The following KHDRBS2 variants were observed in gnomAD, a reference collection of about 807,000 sequenced individuals.
The protein encoded by KHDRBS2 is KH RNA binding domain containing, signal transduction associated 2.
KHDRBS2 carries 26 observed loss-of-function variants against 44.3 expected under a neutral mutation model. That is an observed-to-expected ratio of 0.59 (90% confidence interval 0.43 to 0.81). The LOEUF is 0.81. Ranked by LOEUF, KHDRBS2 falls within the 40% of genes least tolerant of loss-of-function variation. KHDRBS2 has a pLI of 0.00. For missense variants in KHDRBS2, 476 were observed against 433.1 expected (o/e 1.10, Z -0.88); for synonymous variants, 194 against 151.1 (o/e 1.28, Z -2.08).
At chr6:61,911,381 G>C (rs1273722200) in intron 4 of KHDRBS2, among the ~76,000 whole-genome samples, 1 of 152,138 alleles carries the variant, frequency 6.6e-6, no homozygotes, top group Non-Finnish European at 1.5e-5. Flanking sequence ...ATCCAGGGGA[G>C]TTAAAGTGCA....
At chr6:61,913,626 A>C (rs781193751) in intron 4 of KHDRBS2, among the ~76,000 whole-genome samples, 37 of 152,162 alleles carry the variant, frequency 2.4e-4, no homozygotes, top group Middle Eastern at 3.4e-3. Context: ...GTGGGGAAAG[A>C]CTGAAAAAAA....
chr6:61,811,201 T>A (rs867627738), intron 6 of KHDRBS2, among the ~76,000 whole-genome samples: 37 of 152,122 alleles, frequency 2.4e-4, no homozygotes, highest in African/African-American at 8.2e-4. Context: ...AGTGAGGACA[T>A]GTGATATTTG....
In KHDRBS2 at chr6:62,095,376, A is replaced by G. The variant is rs117390238; in HGVS notation, c.220-47382T>C. Among the ~76,000 whole-genome samples, 3 of 151,926 alleles carry G rather than the reference A, an allele frequency of 2.0e-5. No individual in the cohort carries two copies. In the East Asian group the frequency reaches 5.8e-4, roughly 29 times the overall value. On this transcript the variant is annotated intron_variant, in intron 2 of 8. Coordinates refer to ENST00000281156, the MANE Select transcript of KHDRBS2 (RefSeq NM_152688.4). The stretch of plus-strand genomic sequence containing the variant: ...TAATGGAGCCGTCCTATGCAGGTAT[A>G]TAATTTTTAATCTTTTATATCATAT...
At chr6:62,117,917 AG>A (rs771108037) in intron 2 of KHDRBS2, among the ~76,000 whole-genome samples, 1 of 152,100 alleles carries the variant, frequency 6.6e-6, no homozygotes, top group African/African-American at 2.4e-5. Flanking sequence ...CTTGGATTAC[AG>A]GTGCCCACCA....
rs1402233166 is a variant in KHDRBS2 at position 61,728,657 on chromosome 6, G to T, written c.893+4025C>A. 2.6e-5 allele frequency among the ~76,000 whole-genome samples: 4 copies of T among 152,070 alleles called. No individual in the cohort carries two copies. The East Asian group carries it at 7.7e-4, about 29-fold the overall frequency. On this transcript the variant is annotated intron_variant, in intron 7 of 8. Coordinates refer to ENST00000281156, the MANE Select transcript of KHDRBS2 (RefSeq NM_152688.4). ...TAGATAGATGTTCTTATGTGCTGGA[G>T]AGTTAAACTTAAATTTCAAAACAGT... is the stretch of plus-strand genomic sequence containing the variant.
intron 2 of KHDRBS2, among the ~76,000 whole-genome samples, chr6:62,057,811 T>C (rs1790642703): frequency 2.6e-5 from 4 of 151,966 alleles, no homozygotes; most frequent in African/African-American, 9.6e-5. Flanking sequence ...ATGCTTGTCA[T>C]TAAACAGTTG....
chr6:61,565,516 A>G, the KHDRBS2 span, among the ~76,000 whole-genome samples: 1 of 152,208 alleles, frequency 6.6e-6, no homozygotes, highest in Non-Finnish European at 1.5e-5. Context: ...GTCTAAATAG[A>G]TGCTTTTCAA....
At chr6:62,072,568 C>T (rs1216274460) in intron 2 of KHDRBS2, among the ~76,000 whole-genome samples, 1 of 152,078 alleles carries the variant, frequency 6.6e-6, no homozygotes, top group Non-Finnish European at 1.5e-5. Context: ...TGAATTTTGT[C>T]AATGGCCTTT....
intron 4 of KHDRBS2, among the ~76,000 whole-genome samples, chr6:61,945,557 A>G (rs973296903): frequency 2.6e-5 from 4 of 152,042 alleles, no homozygotes; most frequent in African/African-American, 4.8e-5. Flanking sequence ...ATTTTAATAT[A>G]ACATTTTATT....
the KHDRBS2 span, among the ~76,000 whole-genome samples, chr6:61,648,041 G>T: frequency 6.6e-6 from 1 of 151,858 alleles, no homozygotes; most frequent in Non-Finnish European, 1.5e-5. Context: ...CACAAAGGGG[G>T]GTTCTAATTA....
At chr6:61,779,948 A>G (rs1223388833) in intron 6 of KHDRBS2, among the ~76,000 whole-genome samples, 3 of 151,958 alleles carry the variant, frequency 2.0e-5, no homozygotes, top group African/African-American at 7.2e-5. Context: ...AAAAAAACTT[A>G]CTATATTGTA....
At chr6:62,023,675 G>T (rs1782744945) in intron 3 of KHDRBS2, among the ~76,000 whole-genome samples, 1 of 151,162 alleles carries the variant, frequency 6.6e-6, no homozygotes, top group African/African-American at 2.4e-5. Context: ...AAACATAAAA[G>T]AAAACAAATT....
At chr6:61,972,169 A>T (rs1482126521) in intron 4 of KHDRBS2, among the ~76,000 whole-genome samples, 3 of 152,190 alleles carry the variant, frequency 2.0e-5, no homozygotes, top group African/African-American at 7.2e-5. Context: ...ACATATGATT[A>T]TTATGCCAAC....
intron 7 of KHDRBS2, among the ~76,000 whole-genome samples, chr6:61,728,118 T>G (rs1328350170): frequency 6.6e-6 from 1 of 150,880 alleles, no homozygotes; most frequent in Admixed American, 6.6e-5. Context: ...TAAAAAGGAA[T>G]GAGATTCTGT....
At chr6:62,058,894 A>G (rs975567051) in intron 2 of KHDRBS2, among the ~76,000 whole-genome samples, 2 of 151,986 alleles carry the variant, frequency 1.3e-5, no homozygotes, top group South Asian at 4.1e-4. Flanking sequence ...CCACAAATAT[A>G]ATTTATTCAA....
At chr6:61,636,204 GT>G in the KHDRBS2 span, among the ~76,000 whole-genome samples, 3 of 151,946 alleles carry the variant, frequency 2.0e-5, no homozygotes, top group Admixed American at 2.0e-4. Context: ...TCATTTACAT[GT>G]TCAAATGACA....
intron 2 of KHDRBS2, among the ~76,000 whole-genome samples, chr6:62,165,492 A>G (rs549201267): frequency 6.6e-6 from 1 of 151,830 alleles, no homozygotes; most frequent in East Asian, 1.9e-4. Context: ...TATTAAATGC[A>G]TCTTCTGATC....
the KHDRBS2 span, among the ~76,000 whole-genome samples, chr6:61,589,965 C>T: frequency 6.6e-6 from 1 of 152,102 alleles, no homozygotes; most frequent in East Asian, 1.9e-4. Context: ...AGTCCCCCCA[C>T]AGTAACAGAA....
chr6:61,574,994 T>G, the KHDRBS2 span, among the ~76,000 whole-genome samples: 1 of 152,148 alleles, frequency 6.6e-6, no homozygotes, highest in Non-Finnish European at 1.5e-5. Flanking sequence ...CTTTAAGATC[T>G]GAAACTATAA....
Sources: allele counts gnomAD v4.1 joint callset (sites outside exome capture counted in the v4.1 genomes callset), GRCh38; gene constraint gnomAD v4.1.1; transcripts MANE v1.5; gene names NCBI Gene and HGNC (gene_info 2026-07-23, HGNC 2026-07-21).